HIP1: variants seen among roughly 807,000 people sequenced by gnomAD.
HIP1 encodes huntingtin-interacting protein 1.
HIP1 carries 65 observed loss-of-function variants against 147.6 expected under a neutral mutation model. That is an observed-to-expected ratio of 0.44 (90% CI 0.36 to 0.54). The LOEUF is 0.54. Ranked by LOEUF, HIP1 falls within the 20% of genes least tolerant of loss-of-function variation. The pLI is 0.00. For missense variants in HIP1, 1,061 were observed against 1,299.6 expected (o/e 0.82, Z 2.82); for synonymous variants, 479 against 504.0 (o/e 0.95, Z 0.67).
At chr7:75,726,703 C>CTT (rs797038208) in intron 1 of HIP1, among the ~76,000 whole-genome samples, 26 of 133,444 alleles carry the variant, frequency 1.9e-4, no homozygotes, top group East Asian at 1.3e-3. Context: ...AAATGTTTTT[C>CTT]TTTTTTTTTT....
chr7:75,567,171 GTTT>G (rs1276477822), intron 9 of HIP1, among the ~76,000 whole-genome samples: 2 of 138,760 alleles, frequency 1.4e-5, no homozygotes, highest in East Asian at 4.1e-4. Context: ...GTTTTTTTTT[GTTT>G]TTTTTTTTTG....
intron 1 of HIP1, among the ~76,000 whole-genome samples, chr7:75,686,156 C>T (rs112641413): frequency 0.039 from 5,871 of 152,214 alleles, 144 homozygotes; most frequent in Non-Finnish European, 0.061. Flanking sequence ...TCCCAAAGTA[C>T]CGGGATTACA....
rs782426573 is a variant in HIP1 at position 75,559,883 on chromosome 7, G to A, written c.1224C>T (p.His408=). The A allele has an allele frequency of 1.6e-5, 25 of 1,609,728 alleles. No homozygotes were observed. The highest frequency in any genetic ancestry group is 2.1e-5 in the Non-Finnish European group (25 of 1,179,070). Residue 408 remains histidine (H), a synonymous_variant, in exon 14 of 31, where the codon CAC becomes CAT. Transcript: ENST00000336926. ...CCAGATCTGCTTCCAGCTCGCTGAC[G>A]TGGCCCTTCAGCTGCAGCACAACCC... The part of the protein sequence containing the change: ...SQRVVLQLKG[H]VSELEADLAE...
intron 8 of HIP1, among the ~76,000 whole-genome samples, chr7:75,573,452 C>T (rs1378322177): frequency 1.3e-5 from 2 of 152,172 alleles, no homozygotes; most frequent in African/African-American, 4.8e-5. Flanking sequence ...CTCATTCTTC[C>T]TGGATGCCGA....
chr7:75,694,143 T>C (rs1800551308), intron 1 of HIP1, among the ~76,000 whole-genome samples: 1 of 151,992 alleles, frequency 6.6e-6, no homozygotes, highest in Non-Finnish European at 1.5e-5. Flanking sequence ...TTGTTTTGAA[T>C]TCCTAACCTC....
intron 1 of HIP1, among the ~76,000 whole-genome samples, chr7:75,663,067 T>G (rs1212640746): frequency 6.6e-6 from 1 of 152,218 alleles, no homozygotes; most frequent in African/African-American, 2.4e-5. Flanking sequence ...GAGTTTCAGA[T>G]GTAACTACAA....
intron 1 of HIP1, among the ~76,000 whole-genome samples, chr7:75,602,442 AGCTGC>A (rs1797032086): frequency 6.8e-6 from 1 of 146,030 alleles, no homozygotes; most frequent in Admixed American, 7.1e-5. Context: ...CTGGGACTAT[AGCTGC>A]ACACTGCCAC....
At position 75,638,091 on chromosome 7, in the gene HIP1, G is replaced by A. The variant is rs1329489474; in HGVS notation, c.121-38844C>T. On this transcript the variant is annotated intron_variant, in intron 1 of 30. Transcript: ENST00000336926. ...GATTGCCTCCCCCCTCCCAAGACCC[G>A]CCTGACACACAGGCCCTTGAGGGTT... 3.6e-5 allele frequency among the ~76,000 whole-genome samples: 5 copies of A among 139,260 alleles called. No homozygotes were observed. The Admixed American group carries it at 3.9e-4, about 11-fold the overall frequency. 91.4% of individuals were successfully genotyped at this position (139,260 alleles called of 152,430 possible).
At chr7:75,575,651 C>A (rs1480057914) in intron 7 of HIP1, among the ~76,000 whole-genome samples, 2 of 152,126 alleles carry the variant, frequency 1.3e-5, no homozygotes, top group African/African-American at 4.8e-5. Context: ...GGGGCTCCCT[C>A]CACACTAACC....
chr7:75,638,271 A>T (rs1798511729), intron 1 of HIP1, among the ~76,000 whole-genome samples: 1 of 150,998 alleles, frequency 6.6e-6, no homozygotes, highest in Admixed American at 6.6e-5. Flanking sequence ...CTCCCTGCGA[A>T]CCCCCCTCCC....
chr7:75,698,301 C>A (rs965201126), intron 1 of HIP1, among the ~76,000 whole-genome samples: 1 of 152,054 alleles, frequency 6.6e-6, no homozygotes, highest in Non-Finnish European at 1.5e-5. Flanking sequence ...TCACTAAATT[C>A]TTGCAACAAG....
chr7:75,693,919 CT>C lies in HIP1; in HGVS notation c.120+44881del, dbSNP rs10628011. ...GTTCAGAACTATCCAATTCTCTTTT[CT>C]TTTTTTTTTTTTTTTTTGAGATGGA... On this transcript the variant is annotated intron_variant, in intron 1 of 30. Transcript: ENST00000336926. 3.6e-3 allele frequency among the ~76,000 whole-genome samples: 418 copies of C among 114,846 alleles called. 3 individuals are homozygous for C. Among genetic ancestry groups the C allele is most frequent in the African/African-American group, 0.012 (337 of 28,894 alleles). The allele number at this position is 114,846 out of a possible 152,430, so 75.3% of individuals were successfully genotyped here.
chr7:75,583,855 T>C (rs1264528936), intron 5 of HIP1, among the ~76,000 whole-genome samples: 4 of 150,076 alleles, frequency 2.7e-5, no homozygotes, highest in African/African-American at 9.8e-5. Context: ...CTTGAACTCC[T>C]GACCTCAGGT....
intron 1 of HIP1, among the ~76,000 whole-genome samples, chr7:75,672,804 G>A (rs1029120285): frequency 6.6e-6 from 1 of 152,088 alleles, no homozygotes; most frequent in African/African-American, 2.4e-5. Flanking sequence ...TATAAGTTTA[G>A]CTCTTACATT....
At chr7:75,634,942 A>G (rs946853956) in intron 1 of HIP1, among the ~76,000 whole-genome samples, 3 of 37,636 alleles carry the variant, frequency 8.0e-5, no homozygotes, top group South Asian at 6.1e-4. Context: ...ACTATCTCTG[A>G]AAAAAAAAAA....
intron 1 of HIP1, among the ~76,000 whole-genome samples, chr7:75,729,759 C>A (rs1284959738): frequency 6.6e-6 from 1 of 151,686 alleles, no homozygotes; most frequent in Non-Finnish European, 1.5e-5. Context: ...GCACTCCAGT[C>A]TGGTTGACAA....
At chr7:75,649,146 T>TCC (rs1554511552) in intron 1 of HIP1, among the ~76,000 whole-genome samples, 1 of 152,042 alleles carries the variant, frequency 6.6e-6, no homozygotes, top group Non-Finnish European at 1.5e-5. Context: ...TGCCTCATCC[T>TCC]CCCGAGTAGC....
At chr7:75,682,304 T>C (rs558299353) in intron 1 of HIP1, among the ~76,000 whole-genome samples, 1 of 152,068 alleles carries the variant, frequency 6.6e-6, no homozygotes, top group East Asian at 1.9e-4. Flanking sequence ...TCACCCAGGT[T>C]GAAGTGCAGT....
At chr7:75,707,647 T>C (rs1554519843) in intron 1 of HIP1, among the ~76,000 whole-genome samples, 1 of 150,702 alleles carries the variant, frequency 6.6e-6, no homozygotes, top group East Asian at 1.9e-4. Flanking sequence ...GCCAAGTCAA[T>C]CCTAAGCCAA....
Sources: allele counts gnomAD v4.1 joint callset (sites outside exome capture counted in the v4.1 genomes callset), GRCh38; gene constraint gnomAD v4.1.1; transcripts MANE v1.5; gene names NCBI Gene and HGNC (gene_info 2026-07-23, HGNC 2026-07-21).